The following NETO2 variants were observed in gnomAD, a reference collection of about 807,000 sequenced individuals.
NETO2 encodes neuropilin and tolloid-like protein 2.
In NETO2, 28 loss-of-function variants were observed where a neutral mutation model predicts 62.5. That is an observed-to-expected ratio of 0.45 (90% CI 0.33 to 0.61). The LOEUF is 0.61. Among genes scored for constraint, NETO2 ranks in the 20% least tolerant of loss-of-function variants. The probability of loss-of-function intolerance (pLI) is 0.02; values close to 1 mark genes in which losing one functional copy is unlikely to be tolerated. For synonymous variants in NETO2, 214 were observed against 219.1 expected (o/e 0.98, Z 0.21); for missense variants, 548 against 643.2 (o/e 0.85, Z 1.60).
intron 8 of NETO2, among the ~76,000 whole-genome samples, chr16:47,085,513 C>T (rs1963167288): frequency 6.6e-6 from 1 of 151,948 alleles, no homozygotes; most frequent in South Asian, 2.1e-4. Context: ...TCCCGAGTAG[C>T]TGGGATTACA....
rs772892447 is a variant in NETO2, at chr16:47,128,557, T to C, written c.249A>G (p.Arg83=). 23 of 1,612,158 alleles carry C rather than the reference T, an allele frequency of 1.4e-5. No individual in the cohort carries two copies. Among genetic ancestry groups the C allele is most frequent in the Non-Finnish European group, 1.6e-5 (19 of 1,179,736 alleles). ...IYILEAAPRQ[R]IELTFDEHYY... ...AATGTTCATCAAAGGTCAACTCTAT[T>C]CTTTGACGTGGAGCAGCTAGAAAAT... The change falls in exon 4 of 9, where the codon AGA becomes AGG. Residue 83 remains arginine (R), a synonymous_variant. Coordinates refer to ENST00000562435, the MANE Select transcript of NETO2 (RefSeq NM_018092.5).
At position 47,109,682 on chromosome 16, in the gene NETO2, C is replaced by A. The variant is rs1324166044; in HGVS notation, c.684G>T (p.Met228Ile). 6.2e-7 allele frequency: 1 copy of A among 1,612,802 alleles called. No individual in the cohort carries two copies. The highest frequency in any genetic ancestry group is 1.1e-5 in the South Asian group (1 of 91,042). The change falls in exon 7 of 9, where the codon ATG becomes ATT. Residue 228 changes from methionine (M) to isoleucine (I), a missense_variant. Physicochemically the swap from Met to Ile is conservative, Grantham distance 10. Transcript: ENST00000562435. ...KIYLRFLDYQ[M>I]EHSNECKRNF... ...TTCTCTTGCATTCATTTGAGTGCTC[C>A]ATTTGATAATCTAGGAACCTCAAAT...
chr16:47,133,867 T>C (rs1212185828), intron 1 of NETO2, among the ~76,000 whole-genome samples: 1 of 152,152 alleles, frequency 6.6e-6, no homozygotes, highest in Non-Finnish European at 1.5e-5. Flanking sequence ...TTTAAACAAG[T>C]GTATGACATT....
At chr16:47,088,193 C>T (rs1283136114) in intron 7 of NETO2, among the ~76,000 whole-genome samples, 1 of 152,138 alleles carries the variant, frequency 6.6e-6, no homozygotes, top group Non-Finnish European at 1.5e-5. Context: ...CAACCTTTGC[C>T]TCCCAGGTTC....
In NETO2 at chr16:47,079,741, G is replaced by A. The variant is rs1963029941; in HGVS notation, c.*3480C>T. The A allele has an allele frequency of 6.6e-6, 1 of 152,166 alleles. No homozygotes were observed. Among genetic ancestry groups the A allele is most frequent in the South Asian group, 2.1e-4 (1 of 4,826 alleles). 9.4% of individuals were successfully genotyped at this position (152,166 alleles called of 1,614,324 possible). On this transcript the variant is annotated 3_prime_UTR_variant, in exon 9 of 9. Transcript: ENST00000562435. ...CCACCAAAAACTCAATGATCCTTCT[G>A]GGTCTAATCAGTGTGATTCAAGGCA...
chr16:47,140,117 T>C (rs1964433058), intron 1 of NETO2, among the ~76,000 whole-genome samples: 1 of 152,226 alleles, frequency 6.6e-6, no homozygotes, highest in South Asian at 2.1e-4. Flanking sequence ...ACCCTGGTGT[T>C]TGAGGTGACT....
chr16:47,124,676 G>A (rs1311352868), intron 4 of NETO2, among the ~76,000 whole-genome samples: 1 of 152,092 alleles, frequency 6.6e-6, no homozygotes, highest in Admixed American at 6.5e-5. Flanking sequence ...ACATTATAAA[G>A]GCAACATGAT....
rs748984921 is a variant in NETO2 at position 47,109,493 on chromosome 16, G to A, written c.873C>T (p.Ser291=). Reference sequence around the variant, plus strand: ...GAATTATTTACTTACGCTCCACAAAGGAAGTAAAGAGCATTCGAAACCTGC... The same window carrying A: ...GAATTATTTACTTACGCTCCACAAAAGAAGTAAAGAGCATTCGAAACCTGC... ...RLSRFRMLFT[S]FVEPPCTSST... Residue 291 remains serine, a synonymous_variant, in exon 7 of 9, where the codon TCC becomes TCT. Transcript: ENST00000562435. 6.2e-7 allele frequency: 1 copy of A among 1,612,218 alleles called. No individual in the cohort carries two copies. The highest frequency in any genetic ancestry group is 8.5e-7 in the Non-Finnish European group (1 of 1,178,394).
At chr16:47,097,047 G>A (rs1051093665) in intron 7 of NETO2, among the ~76,000 whole-genome samples, 1 of 152,154 alleles carries the variant, frequency 6.6e-6, no homozygotes, top group Non-Finnish European at 1.5e-5. Context: ...AGATTCCCTC[G>A]GGTGCCTACA....
At chr16:47,126,029 C>T (rs1964151249) in intron 4 of NETO2, among the ~76,000 whole-genome samples, 1 of 152,164 alleles carries the variant, frequency 6.6e-6, no homozygotes, top group African/African-American at 2.4e-5. Flanking sequence ...ATTCCACTTT[C>T]TGTTTCTATG....
rs371189038 is a variant in NETO2 at position 47,109,460 on chromosome 16, T to C, written c.883+23A>G. 15 of 1,543,732 alleles carry C rather than the reference T, an allele frequency of 9.7e-6. No homozygotes were observed. The East Asian group carries it at 3.1e-4, about 32-fold the overall frequency. On this transcript the variant is annotated intron_variant, in intron 7 of 8. Transcript: ENST00000562435. ...GTGAAAAATATGTAAAAGATCTCAATACTATAGGAATTATTTACTTACGCT... is the reference window on the plus strand; with the variant it reads ...GTGAAAAATATGTAAAAGATCTCAACACTATAGGAATTATTTACTTACGCT...
At chr16:47,104,877 G>A (rs1039405725) in intron 7 of NETO2, among the ~76,000 whole-genome samples, 8 of 152,036 alleles carry the variant, frequency 5.3e-5, no homozygotes, top group African/African-American at 1.4e-4. Flanking sequence ...GTGCCACCAC[G>A]CCTGGCTAAA....
chr16:47,089,781 CTG>C (rs533101375), intron 7 of NETO2, among the ~76,000 whole-genome samples: 13 of 152,184 alleles, frequency 8.5e-5, no homozygotes, highest in Non-Finnish European at 1.9e-4. Flanking sequence ...TATCATAAAA[CTG>C]TATCATACAA....
chr16:47,118,284 G>A (rs1963962779), intron 6 of NETO2, among the ~76,000 whole-genome samples: 1 of 152,116 alleles, frequency 6.6e-6, no homozygotes. Flanking sequence ...ACTCAGAGGT[G>A]GTTTATACTG....
chr16:47,083,379 A>C lies in NETO2; in HGVS notation c.1420T>G (p.Phe474Val), dbSNP rs767263250. Residue 474 changes from phenylalanine (F) to valine (V), a missense_variant, in exon 9 of 9, where the codon TTT becomes GTT. Phe to Val is a conservative substitution (Grantham distance 50). Transcript: ENST00000562435. ...DFAQPQPMKT[F>V]NSTFKKSSYT... ...CTACTTTTCTTGAAGGTGCTATTAA[A>C]TGTTTTCATTGGCTGTGGTTGTGCA... 1.9e-6 allele frequency: 3 copies of C among 1,614,176 alleles called. No individual in the cohort carries two copies. Among genetic ancestry groups the C allele is most frequent in the Non-Finnish European group, 2.5e-6 (3 of 1,180,038 alleles).
intron 4 of NETO2, among the ~76,000 whole-genome samples, chr16:47,125,909 C>A (rs1398690239): frequency 1.3e-5 from 2 of 152,162 alleles, no homozygotes; most frequent in Non-Finnish European, 2.9e-5. Flanking sequence ...CAATGTTGTA[C>A]AACCATCACC....
intron 7 of NETO2, among the ~76,000 whole-genome samples, chr16:47,095,237 T>A (rs1963405620): frequency 6.6e-6 from 1 of 151,624 alleles, no homozygotes; most frequent in Non-Finnish European, 1.5e-5. Context: ...GCGAAGGGAA[T>A]CAAAACTTGT....
intron 1 of NETO2, 44 bp from the exon 2 acceptor site, chr16:47,132,069 A>G: frequency 7.5e-7 from 1 of 1,334,300 alleles, no homozygotes; most frequent in South Asian, 1.2e-5. Flanking sequence ...TTGAATCTAT[A>G]CTACATTTTA....
rs2143775683 is a variant in NETO2 at position 47,079,252 on chromosome 16, G to A, written c.*3969C>T. On this transcript the variant is annotated 3_prime_UTR_variant, in exon 9 of 9. Coordinates refer to ENST00000562435, the MANE Select transcript of NETO2 (RefSeq NM_018092.5). The stretch of plus-strand genomic sequence containing the variant: ...GCCGAGATCACGCCACTGCACTCTA[G>A]CCTGGGTGACAGAGCGAGACTCTGT... The A allele has an allele frequency of 6.6e-6, 1 of 151,162 alleles. No homozygotes were observed. The highest frequency in any genetic ancestry group is 1.5e-5 in the Non-Finnish European group (1 of 68,174). The allele number at this position is 151,162 out of a possible 1,614,324, so 9.4% of individuals were successfully genotyped here. A position where few individuals can be genotyped will look rare whatever the true frequency, so the allele number is the denominator to read the frequency against.
Sources: gnomAD v4.1 joint callset for allele counts (sites outside exome capture counted in the v4.1 genomes callset) on GRCh38, gnomAD v4.1.1 for gene constraint, MANE v1.5 for transcripts, NCBI Gene and HGNC (gene_info 2026-07-23, HGNC 2026-07-21) for gene names.